BMPR2: variants seen among roughly 807,000 people sequenced by gnomAD.
BMPR2 encodes the protein bone morphogenetic protein receptor type-2.
BMPR2 carries 29 observed loss-of-function variants against 100.8 expected under a neutral mutation model. The ratio of observed to expected loss-of-function variants is 0.29; its 90% confidence interval spans 0.21 to 0.39. The LOEUF is 0.39. Among genes scored for constraint, BMPR2 ranks in the 10% least tolerant of loss-of-function variants. The pLI is 1.00. For synonymous variants in BMPR2, 382 were observed against 442.3 expected (o/e 0.86, Z 1.71); for missense variants, 1,011 against 1,274.5 (o/e 0.79, Z 3.15).
chr2:202,384,530 C>CTCTT (rs202188126), intron 1 of BMPR2, among the ~76,000 whole-genome samples: 127 of 107,666 alleles, frequency 1.2e-3, no homozygotes, highest in African/African-American at 2.5e-3. Context: ...TTCTTTCTTT[C>CTCTT]TCTTTCTTTC....
At position 202,495,638 on chromosome 2, in the gene BMPR2, G is replaced by A. The variant is rs560844986; in HGVS notation, c.419-18081G>A. 6.6e-6 allele frequency among the ~76,000 whole-genome samples: 1 copy of A among 152,186 alleles called. No individual in the cohort carries two copies. Among genetic ancestry groups the A allele is most frequent in the Non-Finnish European group, 1.5e-5 (1 of 68,008 alleles). ...CCTCACCTAGGTCTGTTGGGGTGGA[G>A]CCCTAGTCAGGGACGCACCTTTCTC... On this transcript the variant is annotated intron_variant, in intron 3 of 12. Coordinates refer to ENST00000374580, the MANE Select transcript of BMPR2 (RefSeq NM_001204.7). This position sits in a 1 kb window ranked among gnomAD's most constrained non-coding sequence, Gnocchi z 4.5.
rs1688176891 is a variant in BMPR2, at chr2:202,537,153, C to T, written c.1276+4421C>T. 2.0e-5 allele frequency among the ~76,000 whole-genome samples: 3 copies of T among 152,296 alleles called. No homozygotes were observed. In the South Asian group the frequency reaches 6.2e-4, roughly 32 times the overall value. ...TCAAGTGATCCTCCTGCCTCAGCCT[C>T]CCAAAATGCTGTGATTGCAGGCATG... On this transcript the variant is annotated intron_variant, in intron 9 of 12. Transcript: ENST00000374580.
At chr2:202,464,727 G>A in intron 1 of BMPR2, 82 bp from the exon 2 acceptor site, 1 of 1,291,506 alleles carries the variant, frequency 7.7e-7, no homozygotes, top group Non-Finnish European at 1.0e-6. Context: ...AATTTATGAA[G>A]TCATTCGGAT....
chr2:202,405,723 G>A (rs570700663), intron 1 of BMPR2, among the ~76,000 whole-genome samples: 1 of 146,374 alleles, frequency 6.8e-6, no homozygotes, highest in African/African-American at 2.5e-5. Context: ...CAGGGAAAAT[G>A]TGCTGCTAAA....
At chr2:202,434,933 A>ATATATATT (rs1483284948) in intron 1 of BMPR2, among the ~76,000 whole-genome samples, 11 of 82,032 alleles carry the variant, frequency 1.3e-4, no homozygotes, top group South Asian at 4.7e-4. Context: ...ATATATATAT[A>ATATATATT]TATTTATTTA....
chr2:202,456,002 T>TTGCA (rs1692090669), intron 1 of BMPR2, among the ~76,000 whole-genome samples: 2 of 123,754 alleles, frequency 1.6e-5, no homozygotes, highest in Non-Finnish European at 3.1e-5. Flanking sequence ...GAGGCAGAGC[T>TTGCA]TGCAGTGAGC....
At chr2:202,410,895 T>A (rs1483134735) in intron 1 of BMPR2, among the ~76,000 whole-genome samples, 1 of 152,088 alleles carries the variant, frequency 6.6e-6, no homozygotes, top group Non-Finnish European at 1.5e-5. Context: ...TTTTTAAAAA[T>A]AATAATAAAA....
intron 9 of BMPR2, among the ~76,000 whole-genome samples, chr2:202,539,200 TAAAAAA>T (rs1289598532): frequency 4.6e-5 from 7 of 152,178 alleles, no homozygotes; most frequent in African/African-American, 1.2e-4. Flanking sequence ...GGAAGCTGAT[TAAAAAA>T]TAAAAATAAA....
intron 1 of BMPR2, among the ~76,000 whole-genome samples, chr2:202,450,567 T>G (rs904162477): frequency 2.0e-5 from 3 of 151,742 alleles, no homozygotes; most frequent in African/African-American, 7.3e-5. Flanking sequence ...GGCGCATGCC[T>G]ATAATCCCAG....
chr2:202,489,636 T>C (rs1212866273), intron 3 of BMPR2, among the ~76,000 whole-genome samples: 2 of 152,254 alleles, frequency 1.3e-5, no homozygotes, highest in Non-Finnish European at 2.9e-5. Flanking sequence ...TGAAGTGCTG[T>C]GTTTTAAATA....
intron 1 of BMPR2, among the ~76,000 whole-genome samples, chr2:202,387,331 A>G (rs553759804): frequency 1.3e-5 from 2 of 152,184 alleles, no homozygotes; most frequent in Non-Finnish European, 2.9e-5. Context: ...AGGGCCTTAC[A>G]TATTTACTGT....
intron 1 of BMPR2, among the ~76,000 whole-genome samples, chr2:202,380,332 T>C (rs978566984): frequency 1.3e-5 from 2 of 152,214 alleles, no homozygotes; most frequent in Admixed American, 6.5e-5. Flanking sequence ...CTTGATTAGA[T>C]TGCAATTTTA....
At chr2:202,455,011 G>A (rs942316280) in intron 1 of BMPR2, among the ~76,000 whole-genome samples, 2 of 152,132 alleles carry the variant, frequency 1.3e-5, no homozygotes, top group Admixed American at 1.3e-4. Context: ...GCTCTGCAGT[G>A]TCTGTTCCTA....
intron 3 of BMPR2, among the ~76,000 whole-genome samples, chr2:202,479,722 ATTTTC>A (rs1432187661): frequency 1.8e-4 from 28 of 152,028 alleles, no homozygotes; most frequent in East Asian, 5.8e-4. Flanking sequence ...ACTTTCAATT[ATTTTC>A]TTTTCATTTC....
intron 1 of BMPR2, among the ~76,000 whole-genome samples, chr2:202,398,047 T>A (rs976395172): frequency 1.3e-5 from 2 of 150,380 alleles, no homozygotes; most frequent in Non-Finnish European, 3.0e-5. Context: ...GATTGGAGAT[T>A]GCGGTGAGCC....
chr2:202,534,219 G>A (rs202133773), intron 9 of BMPR2, among the ~76,000 whole-genome samples: 10 of 135,800 alleles, frequency 7.4e-5, no homozygotes, highest in African/African-American at 2.5e-4. Context: ...TCGTGTGTGT[G>A]TGTATATATA....
In BMPR2 at chr2:202,532,883, T is replaced by A; in HGVS notation, c.1276+151T>A. 1 of 1,014,424 alleles carries A rather than the reference T, an allele frequency of 9.9e-7. No individual in the cohort carries two copies. Among genetic ancestry groups the A allele is most frequent in the Non-Finnish European group, 1.4e-6 (1 of 711,274 alleles). The allele number at this position is 1,014,424 out of a possible 1,614,324, so 62.8% of individuals were successfully genotyped here. On this transcript the variant is annotated intron_variant, in intron 9 of 12. Transcript: ENST00000374580. This position sits in a 1 kb window ranked among gnomAD's most constrained non-coding sequence, Gnocchi z 4.1. ...ATTGCTATCTAGTGTTTAGAAACAT[T>A]ATTAGCAGCAGGATGCAAATTAGGA...
intron 10 of BMPR2, 37 bp downstream of exon 10, chr2:202,542,484 G>A (rs1333032385): frequency 6.2e-7 from 1 of 1,607,720 alleles, no homozygotes; most frequent in South Asian, 1.1e-5. Context: ...GAGGACTTAT[G>A]ACTGAATATG....
At position 202,559,639 on chromosome 2, in the gene BMPR2, T is replaced by C. The variant is rs553380879; in HGVS notation, c.2867-57T>C. ...TGACCTTTTCTTGAGTTACATCCCT[T>C]ACCCGTTATTTCTTAAGTTTGTTAA... On this transcript the variant is annotated intron_variant, in intron 12 of 12. Coordinates refer to ENST00000374580, the MANE Select transcript of BMPR2 (RefSeq NM_001204.7). 56 of 1,580,452 alleles carry C rather than the reference T, an allele frequency of 3.5e-5. No individual in the cohort carries two copies. In the African/African-American group the frequency reaches 6.9e-4, roughly 19 times the overall value.
Sources: allele counts gnomAD v4.1 joint callset (sites outside exome capture counted in the v4.1 genomes callset), GRCh38; gene constraint gnomAD v4.1.1; non-coding constraint Gnocchi (gnomAD v3.1); transcripts MANE v1.5; gene names NCBI Gene and HGNC (gene_info 2026-07-23, HGNC 2026-07-21).